DACH2: variants seen among roughly 807,000 people sequenced by gnomAD.
DACH2 encodes dachshund homolog 2.
In DACH2, 17 loss-of-function variants were observed where a neutral mutation model predicts 35.8. The observed-to-expected ratio is 0.48, with a 90% confidence interval of 0.33 to 0.71. The LOEUF (loss-of-function observed/expected upper bound fraction) is 0.71, where lower values mean the gene tolerates loss of function less well. Ranked by LOEUF, DACH2 falls within the 30% of genes least tolerant of loss-of-function variation. The probability of loss-of-function intolerance (pLI) is 0.02; values close to 1 mark genes in which losing one functional copy is unlikely to be tolerated. For missense variants in DACH2, 469 were observed against 472.7 expected (o/e 0.99, Z 0.07); for synonymous variants, 195 against 177.3 (o/e 1.10, Z -0.79).
chrX:86,745,425 C>T (rs1221418939), intron 7 of DACH2, among the ~76,000 whole-genome samples: 1 of 110,889 alleles, frequency 9.0e-6, no homozygotes, highest in Non-Finnish European at 1.9e-5. Context: ...CCAACCTCCA[C>T]CCTCAAGTAG....
chrX:86,151,150 A>T (rs970875550), intron 1 of DACH2, among the ~76,000 whole-genome samples: 1 of 111,314 alleles, frequency 9.0e-6, no homozygotes, highest in Non-Finnish European at 1.9e-5. Context: ...AAAAAAAAAA[A>T]TCCAGAGGCA....
chrX:86,637,318 C>T (rs1392106990), intron 3 of DACH2, among the ~76,000 whole-genome samples: 1 of 98,645 alleles, frequency 1.0e-5, no homozygotes, highest in Non-Finnish European at 2.0e-5. Flanking sequence ...ATAATTCAAC[C>T]ATCATGGAAA....
intron 1 of DACH2, among the ~76,000 whole-genome samples, chrX:86,269,069 T>C (rs1270140399): frequency 9.0e-6 from 1 of 110,723 alleles, no homozygotes; most frequent in Non-Finnish European, 1.9e-5. Flanking sequence ...ATACTAGATG[T>C]TATTCATTCT....
intron 3 of DACH2, among the ~76,000 whole-genome samples, chrX:86,561,901 T>TAAAAAAAAA (rs60538249): frequency 1.5e-5 from 1 of 65,079 alleles, no homozygotes; most frequent in African/African-American, 6.3e-5. Context: ...AAAGTAGAAT[T>TAAAAAAAAA]AAAAAAAAAA....
At chrX:86,556,779 TATATATATATATATATAGAGAGAG>T (rs1468353350) in intron 3 of DACH2, among the ~76,000 whole-genome samples, 41 of 64,319 alleles carry the variant, frequency 6.4e-4, no homozygotes, top group African/African-American at 2.2e-3. Context: ...TATATATATA[TATATATATATATATATAGAGAGAG>T]AGAGAGAGAG....
At chrX:86,552,587 G>A (rs2039065059) in intron 3 of DACH2, among the ~76,000 whole-genome samples, 1 of 111,963 alleles carries the variant, frequency 8.9e-6, no homozygotes, top group South Asian at 3.7e-4. Context: ...AAATTTGTAA[G>A]TAACAATGCA....
At chrX:86,788,253 T>G (rs1207702898) in intron 7 of DACH2, among the ~76,000 whole-genome samples, 2 of 111,087 alleles carry the variant, frequency 1.8e-5, no homozygotes, top group Non-Finnish European at 3.8e-5. Context: ...GCCCAGCTCC[T>G]GAGATCTCAC....
chrX:86,790,986 C>G (rs752510706), intron 7 of DACH2, among the ~76,000 whole-genome samples: 1 of 111,154 alleles, frequency 9.0e-6, no homozygotes, highest in Non-Finnish European at 1.9e-5. Context: ...ATACAGTAAG[C>G]TAGAAAAAAG....
intron 5 of DACH2, among the ~76,000 whole-genome samples, chrX:86,709,640 A>G (rs1204637416): frequency 1.8e-5 from 2 of 112,186 alleles, no homozygotes; most frequent in Non-Finnish European, 3.8e-5. Context: ...AAGTCTTTGC[A>G]CAACTCATAT....
intron 2 of DACH2, among the ~76,000 whole-genome samples, chrX:86,459,207 T>C (rs888996354): frequency 9.0e-6 from 1 of 111,620 alleles, no homozygotes; most frequent in Non-Finnish European, 1.9e-5. Flanking sequence ...TTATATCACA[T>C]TTTTTAAACC....
intron 2 of DACH2, among the ~76,000 whole-genome samples, chrX:86,409,710 C>A: frequency 9.0e-6 from 1 of 111,653 alleles, no homozygotes; most frequent in South Asian, 3.8e-4. Flanking sequence ...TATAAATTAC[C>A]CAGTCTCAGA....
chrX:86,702,669 A>G (rs1296705215), intron 5 of DACH2, among the ~76,000 whole-genome samples: 2 of 111,521 alleles, frequency 1.8e-5, no homozygotes, highest in African/African-American at 6.5e-5. Context: ...AAACTAGAAA[A>G]CCTAGAGGAA....
At position 86,284,561 on chromosome X, in the gene DACH2, CT is replaced by C. The variant is rs1315874529; in HGVS notation, c.489-92253del. 1.1e-4 allele frequency among the ~76,000 whole-genome samples: 12 copies of C among 105,448 alleles called. No homozygotes were observed. In the South Asian group the frequency reaches 1.2e-3, roughly 11 times the overall value. The allele number at this position is 105,448 out of a possible 115,157, so 91.6% of individuals were successfully genotyped here. ...GCCTGTAGTTTTCTTTTCTTTCTTT[CT>C]TTTTTTTTTATTTGTCTTTGTCTGG... On this transcript the variant is annotated intron_variant, in intron 1 of 11. Coordinates refer to ENST00000373125, the MANE Select transcript of DACH2 (RefSeq NM_053281.3).
At chrX:86,572,487 A>T (rs2039383900) in intron 3 of DACH2, among the ~76,000 whole-genome samples, 1 of 111,927 alleles carries the variant, frequency 8.9e-6, no homozygotes, top group Non-Finnish European at 1.9e-5. Context: ...ATTTAGGAAT[A>T]ACAGCAGTTT....
intron 4 of DACH2, among the ~76,000 whole-genome samples, chrX:86,666,418 C>T (rs1324401152): frequency 9.0e-6 from 1 of 111,233 alleles, no homozygotes; most frequent in East Asian, 2.8e-4. Flanking sequence ...TGTCTCTGCT[C>T]TCAAGCAAGA....
intron 3 of DACH2, among the ~76,000 whole-genome samples, chrX:86,529,012 C>A (rs143076773): frequency 0.063 from 7,021 of 111,315 alleles, 576 homozygotes; most frequent in African/African-American, 0.22. Context: ...CACATAGTCA[C>A]CCTATTCTGC....
chrX:86,484,238 C>A (rs1359842294), intron 2 of DACH2, among the ~76,000 whole-genome samples: 1 of 111,652 alleles, frequency 9.0e-6, no homozygotes, highest in Non-Finnish European at 1.9e-5. Flanking sequence ...TTAATCTCTG[C>A]TAAACTGATT....
chrX:86,210,856 C>T (rs1424821089), intron 1 of DACH2, among the ~76,000 whole-genome samples: 4 of 111,733 alleles, frequency 3.6e-5, no homozygotes, highest in Non-Finnish European at 7.5e-5. Flanking sequence ...AATAGAATGT[C>T]AGACGTGTCA....
chrX:86,402,726 G>A (rs1363655345), intron 2 of DACH2, among the ~76,000 whole-genome samples: 1 of 111,288 alleles, frequency 9.0e-6, no homozygotes, highest in African/African-American at 3.3e-5. Context: ...AATAGTCAAA[G>A]CAATCCTGAG....
Sources: allele counts gnomAD v4.1 joint callset (sites outside exome capture counted in the v4.1 genomes callset), GRCh38; gene constraint gnomAD v4.1.1; transcripts MANE v1.5; gene names NCBI Gene and HGNC (gene_info 2026-07-23, HGNC 2026-07-21).